CEP126: variants seen among roughly 807,000 people sequenced by gnomAD.
CEP126 encodes centrosomal protein of 126 kDa.
A neutral mutation model predicts 107.8 loss-of-function variants in CEP126; 74 were observed. That is an observed-to-expected ratio of 0.69 (90% confidence interval 0.57 to 0.83). The LOEUF (loss-of-function observed/expected upper bound fraction) is 0.83. CEP126 is among the 40% of genes least tolerant of loss of function. CEP126 has a pLI of 0.00. For synonymous variants in CEP126, 449 were observed against 446.0 expected (o/e 1.01, Z -0.08); for missense variants, 1,237 against 1,281.9 (o/e 0.96, Z 0.53).
chr11:101,941,027 C>T (rs1940656981), intron 2 of CEP126, among the ~76,000 whole-genome samples: 1 of 152,116 alleles, frequency 6.6e-6, no homozygotes, highest in Non-Finnish European at 1.5e-5. Flanking sequence ...ATCTACTTGA[C>T]ACATGATTTT....
chr11:101,992,893 T>G, intron 10 of CEP126, 51 bp downstream of exon 10: 1 of 1,446,102 alleles, frequency 6.9e-7, no homozygotes, highest in Non-Finnish European at 9.1e-7. Flanking sequence ...ACTTCTGATT[T>G]TATGTACACA....
intron 9 of CEP126, among the ~76,000 whole-genome samples, chr11:101,990,655 T>C (rs953191141): frequency 4.6e-5 from 7 of 151,938 alleles, no homozygotes; most frequent in Non-Finnish European, 1.0e-4. Context: ...ACAGAAAAAT[T>C]ACCGTACTTC....
chr11:101,927,718 G>C (rs1030467656), intron 2 of CEP126, among the ~76,000 whole-genome samples: 6 of 152,136 alleles, frequency 3.9e-5, no homozygotes, highest in African/African-American at 1.4e-4. Context: ...TCAAGTTGTA[G>C]TGTGTATCAG....
intron 5 of CEP126, 47 bp downstream of exon 5, chr11:101,958,413 A>G (rs1245783150): frequency 6.5e-7 from 1 of 1,538,200 alleles, no homozygotes; most frequent in South Asian, 1.1e-5. Flanking sequence ...CCTTGCACTA[A>G]TTTTGCTCCA....
Position 101,963,475 on chromosome 11 carries a change from A to G in CEP126, c.2440A>G (p.Lys814Glu). 1 of 1,614,136 alleles carries G rather than the reference A, an allele frequency of 6.2e-7. No individual in the cohort carries two copies. The highest frequency in any genetic ancestry group is 1.7e-5 in the Admixed American group (1 of 60,018). ...PQSTSNIRSG[K>E]NIQVSQCQPV... ...ATCTACATCAAATATTAGAAGTGGT[A>G]AAAATATACAAGTGTCTCAGTGTCA... The change falls in exon 6 of 11, where the codon AAA (lysine) becomes GAA (glutamate). Residue 814 changes from lysine (K) to glutamate (E), a missense_variant. Lys to Glu is a moderately conservative substitution (Grantham distance 56). Transcript: ENST00000263468.
intron 4 of CEP126, among the ~76,000 whole-genome samples, chr11:101,954,507 A>G (rs1940857609): frequency 6.6e-6 from 1 of 152,238 alleles, no homozygotes; most frequent in Non-Finnish European, 1.5e-5. Context: ...ATTAAATAAC[A>G]CACATCATCT....
At chr11:101,984,119 C>T (rs952716471) in intron 8 of CEP126, among the ~76,000 whole-genome samples, 9 of 152,202 alleles carry the variant, frequency 5.9e-5, no homozygotes, top group Admixed American at 5.2e-4. Context: ...ACCAGACTAT[C>T]GTTAGGTAGA....
intron 4 of CEP126, chr11:101,955,883 T>C (rs779509960): frequency 1.5e-5 from 7 of 456,260 alleles, no homozygotes; most frequent in Non-Finnish European, 3.1e-5. Flanking sequence ...GTCCCACCAC[T>C]TCCAAATTCT....
intron 10 of CEP126, among the ~76,000 whole-genome samples, chr11:101,996,151 G>A (rs765395087): frequency 1.3e-5 from 2 of 152,204 alleles, no homozygotes; most frequent in East Asian, 1.9e-4. Flanking sequence ...GCCCTAGGCC[G>A]ACCACCAGGC....
chr11:101,972,453 T>A (rs1333159984), intron 6 of CEP126, among the ~76,000 whole-genome samples: 1 of 149,782 alleles, frequency 6.7e-6, no homozygotes, highest in Non-Finnish European at 1.5e-5. Flanking sequence ...CAGAGCCCCA[T>A]ATGCTTCTTC....
intron 10 of CEP126, among the ~76,000 whole-genome samples, 164 bp from the exon 11 acceptor site, chr11:101,997,435 T>C (rs1431033030): frequency 6.6e-6 from 1 of 152,178 alleles, no homozygotes; most frequent in Non-Finnish European, 1.5e-5. Flanking sequence ...AATGTAAGGG[T>C]TGAGGTAAAT....
chr11:101,978,196 A>G (rs1032974401), intron 6 of CEP126, 151 bp from the exon 7 acceptor site: 2 of 645,066 alleles, frequency 3.1e-6, no homozygotes, highest in South Asian at 1.9e-5. Flanking sequence ...TGCTTAGAGC[A>G]TATAAGAGGA....
chr11:101,925,224 C>T (rs1940389048), intron 2 of CEP126, among the ~76,000 whole-genome samples: 1 of 152,174 alleles, frequency 6.6e-6, no homozygotes, highest in Non-Finnish European at 1.5e-5. Context: ...TGCTGGAGTA[C>T]ATCCTCAAGT....
At chr11:101,972,222 C>T (rs981773073) in intron 6 of CEP126, among the ~76,000 whole-genome samples, 2 of 150,642 alleles carry the variant, frequency 1.3e-5, no homozygotes, top group Non-Finnish European at 3.0e-5. Context: ...GTCAGGAGAT[C>T]GAGACCATCC....
rs1472254020 is a variant in CEP126 at position 101,961,790 on chromosome 11, G to A, written c.755G>A (p.Ser252Asn). The change falls in exon 6 of 11, where the codon AGT becomes AAT. Residue 252 changes from serine to asparagine, a missense_variant. By Grantham distance (46) the Ser-to-Asn change is conservative. This residue lies in a region of CEP126 where 1,134 missense variants were observed against 1,150.5 expected (regional missense o/e 0.99). Coordinates refer to ENST00000263468, the MANE Select transcript of CEP126 (RefSeq NM_020802.4). The stretch of plus-strand genomic sequence containing the variant: ...ATAACCAATTCTGAAACCCTCTCAA[G>A]TATAGACAGTCTTGAGGCTACAGAG... ...NQITNSETLS[S>N]IDSLEATEHE... 3.1e-6 allele frequency: 5 copies of A among 1,591,438 alleles called. No homozygotes were observed. The highest frequency in any genetic ancestry group is 4.3e-6 in the Non-Finnish European group (5 of 1,172,636).
intron 9 of CEP126, among the ~76,000 whole-genome samples, chr11:101,989,948 A>G (rs969411526): frequency 1.3e-5 from 2 of 152,158 alleles, no homozygotes; most frequent in Non-Finnish European, 2.9e-5. Flanking sequence ...CGACAGAGTG[A>G]GACTCCATCT....
chr11:101,943,987 T>C (rs1009613017), intron 2 of CEP126, among the ~76,000 whole-genome samples: 4 of 152,126 alleles, frequency 2.6e-5, no homozygotes, highest in African/African-American at 9.6e-5. Context: ...CAGCACAGTT[T>C]GCGAGGTGGG....
At chr11:101,991,259 C>T (rs753219356) in intron 9 of CEP126, among the ~76,000 whole-genome samples, 1 of 152,166 alleles carries the variant, frequency 6.6e-6, no homozygotes, top group Non-Finnish European at 1.5e-5. Flanking sequence ...CACACACCTA[C>T]ACACACATAC....
chr11:101,958,117 G>T (rs1465503350), intron 4 of CEP126, 51 bp from the exon 5 acceptor site: 3 of 1,491,814 alleles, frequency 2.0e-6, no homozygotes, highest in Non-Finnish European at 2.8e-6. Context: ...CATATAGAAA[G>T]AAGTTAACTT....
Sources: allele counts gnomAD v4.1 joint callset (sites outside exome capture counted in the v4.1 genomes callset), GRCh38; gene constraint gnomAD v4.1.1; regional missense constraint gnomAD v4.1.1; transcripts MANE v1.5; gene names NCBI Gene and HGNC (gene_info 2026-07-23, HGNC 2026-07-21).